DHX15: variants seen among roughly 807,000 people sequenced by gnomAD.
The protein encoded by DHX15 is DEAH-box helicase 15.
Under a neutral mutation model 94.4 loss-of-function variants are expected in DHX15, and 11 were observed. The observed-to-expected ratio is 0.12, with a 90% CI of 0.07 to 0.19. The LOEUF is 0.19. Among genes scored for constraint, DHX15 ranks in the 10% least tolerant of loss-of-function variants. DHX15 has a pLI of 1.00. For missense variants in DHX15, 304 were observed against 988.5 expected (o/e 0.31, Z 9.29); for synonymous variants, 338 against 329.9 (o/e 1.02, Z -0.27).
chr4:24,573,592 A>G (rs777859028), intron 2 of DHX15, among the ~76,000 whole-genome samples: 3 of 151,822 alleles, frequency 2.0e-5, no homozygotes, highest in East Asian at 3.9e-4. Flanking sequence ...TGTATCATCA[A>G]TATGTTCACT....
intron 3 of DHX15, among the ~76,000 whole-genome samples, chr4:24,558,348 A>C (rs1184740273): frequency 6.6e-6 from 1 of 152,184 alleles, no homozygotes; most frequent in Non-Finnish European, 1.5e-5. Flanking sequence ...CTTTAAGTTG[A>C]AAACTTCTTA....
At chr4:24,573,554 G>A (rs1447618372) in intron 2 of DHX15, among the ~76,000 whole-genome samples, 1 of 151,854 alleles carries the variant, frequency 6.6e-6, no homozygotes, top group Non-Finnish European at 1.5e-5. Flanking sequence ...TCACAGAATC[G>A]AAACTTTTGT....
In DHX15 at chr4:24,537,232, CAGAT is replaced by C; in HGVS notation, c.1787-63_1787-60del. On this transcript the variant is annotated intron_variant, in intron 10 of 13. Coordinates refer to ENST00000336812, the MANE Select transcript of DHX15 (RefSeq NM_001358.3). The surrounding 1 kb of genome is among the most constrained non-coding windows in gnomAD (Gnocchi z 4.7). ...CCCATATCGATGAGTCACGCATTCACAGATAGAGGAACAAGGCCTAGCTAGGTCA... is the reference window on the plus strand; with the variant it reads ...CCCATATCGATGAGTCACGCATTCACAGAGGAACAAGGCCTAGCTAGGTCA... 3 of 1,605,930 alleles carry C rather than the reference CAGAT, an allele frequency of 1.9e-6. No individual in the cohort carries two copies. The highest frequency in any genetic ancestry group is 2.6e-6 in the Non-Finnish European group (3 of 1,175,432).
At chr4:24,570,236 A>T (rs930559728) in intron 3 of DHX15, among the ~76,000 whole-genome samples, 7 of 152,240 alleles carry the variant, frequency 4.6e-5, no homozygotes. Flanking sequence ...TAATAGCTGC[A>T]TAATTAACAT....
intron 5 of DHX15, among the ~76,000 whole-genome samples, chr4:24,552,798 C>A (rs1177415475): frequency 6.6e-6 from 1 of 152,156 alleles, no homozygotes; most frequent in Non-Finnish European, 1.5e-5. Context: ...AAACAGCTGA[C>A]AACTAGAGCA....
intron 3 of DHX15, among the ~76,000 whole-genome samples, chr4:24,561,844 G>A (rs759627745): frequency 4.6e-5 from 7 of 152,006 alleles, no homozygotes; most frequent in South Asian, 2.1e-4. Context: ...CTTATTACCC[G>A]AGTAACAAAG....
intron 3 of DHX15, among the ~76,000 whole-genome samples, chr4:24,564,062 G>A (rs1309827831): frequency 1.3e-4 from 4 of 31,996 alleles, no homozygotes; most frequent in Admixed American, 1.0e-3. Flanking sequence ...GCAAGACTCC[G>A]TCTCAAAAAA....
intron 5 of DHX15, among the ~76,000 whole-genome samples, chr4:24,550,318 T>C (rs950637490): frequency 6.6e-6 from 1 of 152,014 alleles, no homozygotes; most frequent in African/African-American, 2.4e-5. Context: ...TTTTTTGATA[T>C]ATTTTTCTTT....
rs554481852 is a variant in DHX15, at chr4:24,542,911, A to G, written c.1335+29T>C. On this transcript the variant is annotated intron_variant, in intron 7 of 13. Transcript: ENST00000336812. ...TTGTAAGTACTGTTAAACCAACTCT[A>G]ATTTATAAAGTATCCACTAAATATG... The G allele has an allele frequency of 9.1e-6, 14 of 1,541,144 alleles. No individual in the cohort carries two copies. In the South Asian group the frequency reaches 1.1e-4, roughly 12 times the overall value.
At chr4:24,533,867 G>A (rs1243294121) in intron 11 of DHX15, 4 of 152,186 alleles carry the variant, frequency 2.6e-5, no homozygotes, top group Admixed American at 6.5e-5. Context: ...TGAAATGGGA[G>A]AGAGAAAACA....
chr4:24,539,770 T>C (rs778221828), intron 10 of DHX15: 1 of 164,354 alleles, frequency 6.1e-6, no homozygotes, highest in Non-Finnish European at 1.3e-5. Context: ...TTCCTGTACT[T>C]GCAGTAAAAA....
chr4:24,545,499 A>G (rs1475914773), intron 6 of DHX15, among the ~76,000 whole-genome samples: 1 of 152,220 alleles, frequency 6.6e-6, no homozygotes, highest in East Asian at 1.9e-4. Flanking sequence ...TATTGATATT[A>G]GTAAGAGCCT....
intron 4 of DHX15, among the ~76,000 whole-genome samples, chr4:24,555,757 TAAC>T (rs1721726835): frequency 6.6e-6 from 1 of 152,138 alleles, no homozygotes; most frequent in African/African-American, 2.4e-5. Flanking sequence ...ATCAATACAG[TAAC>T]AGGGGCCAAG....
chr4:24,533,075 G>C, intron 11 of DHX15, 21 bp from the exon 12 acceptor site: 1 of 1,601,678 alleles, frequency 6.2e-7, no homozygotes, highest in South Asian at 1.1e-5. Flanking sequence ...AGAAGGCGGG[G>C]AGAAAAGAAG....
chr4:24,580,111 A>C (rs1361768266), intron 1 of DHX15, among the ~76,000 whole-genome samples: 1 of 152,182 alleles, frequency 6.6e-6, no homozygotes, highest in East Asian at 1.9e-4. Context: ...TACCATGTTA[A>C]AATTCTACAT....
At chr4:24,575,681 A>G (rs1004924553) in intron 2 of DHX15, among the ~76,000 whole-genome samples, 11 of 152,180 alleles carry the variant, frequency 7.2e-5, no homozygotes, top group Admixed American at 1.3e-4. Flanking sequence ...ACCCATGCAA[A>G]ACAACCATGG....
At chr4:24,533,148 T>A in intron 11 of DHX15, 94 bp from the exon 12 acceptor site, 1 of 1,085,978 alleles carries the variant, frequency 9.2e-7, no homozygotes, top group Non-Finnish European at 1.4e-6. Context: ...AAGAATAAGC[T>A]AAATAAACCA....
At chr4:24,541,303 TTAG>T (rs965138996) in intron 8 of DHX15, among the ~76,000 whole-genome samples, 8 of 152,284 alleles carry the variant, frequency 5.3e-5, no homozygotes, top group Admixed American at 2.0e-4. Context: ...TGCACCATTC[TTAG>T]TAGTATGCTA....
At chr4:24,530,280 G>A (rs1248736830) in intron 12 of DHX15, 1 of 159,946 alleles carries the variant, frequency 6.3e-6, no homozygotes, top group Non-Finnish European at 1.4e-5. Flanking sequence ...ACAATTACCA[G>A]AACATTCATG....
Sources: gnomAD v4.1 joint callset for allele counts (sites outside exome capture counted in the v4.1 genomes callset) on GRCh38, gnomAD v4.1.1 for gene constraint, Gnocchi (gnomAD v3.1) non-coding constraint, MANE v1.5 for transcripts, NCBI Gene and HGNC (gene_info 2026-07-23, HGNC 2026-07-21) for gene names.